Variants in SPSB1 observed in about 807,000 individuals in gnomAD.
SPSB1 encodes splA/ryanodine receptor domain and SOCS box containing 1.
A neutral mutation model predicts 21.2 loss-of-function variants in SPSB1; 8 were observed. The observed-to-expected ratio is 0.38, with a 90% CI of 0.22 to 0.68. The LOEUF (loss-of-function observed/expected upper bound fraction) is 0.68. Among genes scored for constraint, SPSB1 ranks in the 30% least tolerant of loss-of-function variants. The pLI, the probability that SPSB1 is intolerant of heterozygous loss-of-function variation, is 0.53. For missense variants in SPSB1, 242 were observed against 377.8 expected, an observed-to-expected ratio of 0.64 and a Z score of 2.98; for synonymous variants, 169 against 161.7, an observed-to-expected ratio of 1.05 and a Z score of -0.34.
chr1:9,335,669 G>T (rs1425723033), intron 1 of SPSB1, among the ~76,000 whole-genome samples: 1 of 152,114 alleles, frequency 6.6e-6, no homozygotes, highest in Non-Finnish European at 1.5e-5. Context: ...GCATGGTGGT[G>T]CATTCCTGTA....
Position 9,293,821 on chromosome 1 carries a change from C to T in SPSB1, c.-150+750C>T, listed in dbSNP as rs957067186. Among the ~76,000 whole-genome samples the T allele has an allele frequency of 6.6e-6, 1 of 152,192 alleles. No homozygotes were observed. The highest frequency in any genetic ancestry group is 1.5e-5 in the Non-Finnish European group (1 of 68,026). On this transcript the variant is annotated intron_variant, in intron 1 of 2. Coordinates refer to ENST00000328089, the MANE Select transcript of SPSB1 (RefSeq NM_025106.4). The surrounding 1 kb of genome is among the most constrained non-coding windows in gnomAD (Gnocchi z 5.1). ...ACGGCCCCGAGAGGAGGGTGCGGGTCTGCAGGAAGAGCGGGTGTCTCTGAG... is the reference window on the plus strand; with the variant it reads ...ACGGCCCCGAGAGGAGGGTGCGGGTTTGCAGGAAGAGCGGGTGTCTCTGAG...
In SPSB1 at chr1:9,324,381, G is replaced by T. The variant is rs564249340; in HGVS notation, c.-150+31310G>T. 4.6e-5 allele frequency among the ~76,000 whole-genome samples: 7 copies of T among 152,290 alleles called. No individual in the cohort carries two copies. The East Asian group carries it at 1.4e-3, about 29-fold the overall frequency. On this transcript the variant is annotated intron_variant, in intron 1 of 2. Coordinates refer to ENST00000328089, the MANE Select transcript of SPSB1 (RefSeq NM_025106.4). This position sits in a 1 kb window ranked among gnomAD's most constrained non-coding sequence, Gnocchi z 4.3. ...AGTTCTGCTGCGATCCTGTGGCTCA[G>T]CACGTGGTAGGTCCTCAGTGAGGCT...
intron 1 of SPSB1, among the ~76,000 whole-genome samples, chr1:9,299,558 C>T (rs532684283): frequency 5.3e-5 from 8 of 152,216 alleles, no homozygotes; most frequent in Admixed American, 3.3e-4. Flanking sequence ...CGGCTCACTG[C>T]AACCTCCGCC....
intron 1 of SPSB1, among the ~76,000 whole-genome samples, chr1:9,314,703 T>G (rs1454667432): frequency 6.6e-6 from 1 of 152,222 alleles, no homozygotes; most frequent in Non-Finnish European, 1.5e-5. Flanking sequence ...GCCTTGAGTG[T>G]CAGACTTGAA....
At chr1:9,316,290 G>T (rs943830629) in intron 1 of SPSB1, among the ~76,000 whole-genome samples, 1 of 152,198 alleles carries the variant, frequency 6.6e-6, no homozygotes, top group African/African-American at 2.4e-5. Context: ...ACCTGCTTTG[G>T]GTGAGTTGGA....
At chr1:9,351,882 G>A (rs1379070380) in intron 1 of SPSB1, among the ~76,000 whole-genome samples, 5 of 152,206 alleles carry the variant, frequency 3.3e-5, no homozygotes, top group African/African-American at 9.6e-5. Context: ...GGCCGGGTGT[G>A]TGGGCCACAT....
intron 1 of SPSB1, among the ~76,000 whole-genome samples, chr1:9,310,055 G>A (rs775627022): frequency 5.4e-5 from 8 of 149,196 alleles, no homozygotes; most frequent in Non-Finnish European, 1.2e-4. Flanking sequence ...CTCTCCTCAG[G>A]TGGGGGATGG....
intron 1 of SPSB1, among the ~76,000 whole-genome samples, chr1:9,315,803 C>T (rs1463056290): frequency 2.0e-5 from 3 of 152,232 alleles, no homozygotes; most frequent in Non-Finnish European, 4.4e-5. Flanking sequence ...TCTTTGCAAA[C>T]GGTTCAGTTT....
chr1:9,307,180 G>A (rs1183802499), intron 1 of SPSB1, among the ~76,000 whole-genome samples: 2 of 152,062 alleles, frequency 1.3e-5, no homozygotes, highest in South Asian at 4.2e-4. Context: ...TGCCCGCTTT[G>A]GCCTCCCAAA....
At chr1:9,339,478 G>T (rs1347144777) in intron 1 of SPSB1, among the ~76,000 whole-genome samples, 1 of 152,182 alleles carries the variant, frequency 6.6e-6, no homozygotes, top group Non-Finnish European at 1.5e-5. Flanking sequence ...ACCAGGGAAG[G>T]CTCCGTGGAG....
At chr1:9,316,727 G>A (rs1320768239) in intron 1 of SPSB1, among the ~76,000 whole-genome samples, 1 of 152,236 alleles carries the variant, frequency 6.6e-6, no homozygotes, top group Non-Finnish European at 1.5e-5. Context: ...GACCACGGCT[G>A]CTTCTCCAGG....
Position 9,367,835 on chromosome 1 carries a change from A to G in SPSB1, c.*260A>G. 3.8e-6 allele frequency: 2 copies of G among 529,118 alleles called. No individual in the cohort carries two copies. Among genetic ancestry groups the G allele is most frequent in the Non-Finnish European group, 6.6e-6 (2 of 301,736 alleles). 32.8% of individuals were successfully genotyped at this position (529,118 alleles called of 1,614,324 possible). A position where few individuals can be genotyped will look rare whatever the true frequency, so the allele number is the denominator to read the frequency against. On this transcript the variant is annotated 3_prime_UTR_variant, in exon 3 of 3. Coordinates refer to ENST00000328089, the MANE Select transcript of SPSB1 (RefSeq NM_025106.4). The surrounding 1 kb of genome is among the most constrained non-coding windows in gnomAD (Gnocchi z 5.9). The stretch of plus-strand genomic sequence containing the variant: ...GTATACAACCCCTCTTTGAAAAAAG[A>G]CACAGAGAATAAACTCCTACGAAAG...
In SPSB1 at chr1:9,356,146, C is replaced by T. The variant is rs199970373; in HGVS notation, c.255C>T (p.Asp85=). 55 of 1,591,498 alleles carry T rather than the reference C, an allele frequency of 3.5e-5. No individual in the cohort carries two copies. Among genetic ancestry groups the T allele is most frequent in the Middle Eastern group, 1.7e-4 (1 of 5,954 alleles). ...FHRHPVAQST[D]AIRGKVGYTR... is the part of the protein sequence containing the mutation. ...GGCATCCGGTGGCCCAGAGCACGGA[C>T]GCTATCAGGGGCAAAGTCGGGTATA... Residue 85 remains aspartate, a synonymous_variant, in exon 2 of 3, where the codon GAC becomes GAT. Coordinates refer to ENST00000328089, the MANE Select transcript of SPSB1 (RefSeq NM_025106.4). This position sits in a 1 kb window ranked among gnomAD's most constrained non-coding sequence, Gnocchi z 7.4.
chr1:9,308,229 C>T (rs1263293381), intron 1 of SPSB1, among the ~76,000 whole-genome samples: 1 of 152,206 alleles, frequency 6.6e-6, no homozygotes, highest in Non-Finnish European at 1.5e-5. Flanking sequence ...CTTGCCAGTG[C>T]TGTTGGGGCA....
Position 9,348,961 on chromosome 1 carries a change from G to A in SPSB1, c.-149-6782G>A, listed in dbSNP as rs978282573. 4.7e-5 allele frequency among the ~76,000 whole-genome samples: 5 copies of A among 106,012 alleles called. No individual in the cohort carries two copies. Among genetic ancestry groups the A allele is most frequent in the Non-Finnish European group, 1.0e-4 (5 of 49,370 alleles). The allele number at this position is 106,012 out of a possible 152,430, so 69.5% of individuals were successfully genotyped here. A position where few individuals can be genotyped will look rare whatever the true frequency, so the allele number is the denominator to read the frequency against. ...AATGTGTGTGTGTGTGTGTGTGTGT[G>A]TGTATATGTGCGTGTGTGCACGTGC... On this transcript the variant is annotated intron_variant, in intron 1 of 2. Coordinates refer to ENST00000328089, the MANE Select transcript of SPSB1 (RefSeq NM_025106.4). This position sits in a 1 kb window ranked among gnomAD's most constrained non-coding sequence, Gnocchi z 4.8.
At chr1:9,322,831 C>T (rs778633006) in intron 1 of SPSB1, among the ~76,000 whole-genome samples, 10 of 151,304 alleles carry the variant, frequency 6.6e-5, no homozygotes, top group Non-Finnish European at 1.0e-4. Context: ...TGTAGGGAAG[C>T]GCTGCGTTAG....
In SPSB1 at chr1:9,348,817, C is replaced by T. The variant is rs924018758; in HGVS notation, c.-149-6926C>T. Among the ~76,000 whole-genome samples the T allele has an allele frequency of 3.9e-5, 6 of 151,964 alleles. No individual in the cohort carries two copies. The highest frequency in any genetic ancestry group is 9.7e-5 in the African/African-American group (4 of 41,354). ...CACCGAGAAATCCAGTAGGGTCACGCGGCTCTGATGGGTGTTTGGAACCCC... is the reference window on the plus strand; with the variant it reads ...CACCGAGAAATCCAGTAGGGTCACGTGGCTCTGATGGGTGTTTGGAACCCC... On this transcript the variant is annotated intron_variant, in intron 1 of 2. Transcript: ENST00000328089. The surrounding 1 kb of genome is among the most constrained non-coding windows in gnomAD (Gnocchi z 4.8).
chr1:9,329,721 A>AAG (rs1557454850), intron 1 of SPSB1, among the ~76,000 whole-genome samples: 3 of 149,310 alleles, frequency 2.0e-5, no homozygotes, highest in African/African-American at 5.1e-5. Context: ...AAAAAAAAAA[A>AAG]AGAGAAAAGA....
In SPSB1 at chr1:9,363,823, C is replaced by A. The variant is rs1392798426; in HGVS notation, c.695-3625C>A. Among the ~76,000 whole-genome samples the A allele has an allele frequency of 6.6e-6, 1 of 152,158 alleles. No individual in the cohort carries two copies. Among genetic ancestry groups the A allele is most frequent in the Admixed American group, 6.5e-5 (1 of 15,284 alleles). On this transcript the variant is annotated intron_variant, in intron 2 of 2. Coordinates refer to ENST00000328089, the MANE Select transcript of SPSB1 (RefSeq NM_025106.4). This position sits in a 1 kb window ranked among gnomAD's most constrained non-coding sequence, Gnocchi z 4.5. ...TCAAGCAATCCTCCTGCCTCAAACT[C>A]CCAAGTAGCTGGGACTACAGGCATG...
Sources: allele counts gnomAD v4.1 joint callset (sites outside exome capture counted in the v4.1 genomes callset), GRCh38; gene constraint gnomAD v4.1.1; non-coding constraint Gnocchi (gnomAD v3.1); transcripts MANE v1.5; gene names NCBI Gene and HGNC (gene_info 2026-07-23, HGNC 2026-07-21).